Variants in LARP1 observed in about 807,000 individuals in gnomAD.
LARP1 encodes La ribonucleoprotein 1, translational regulator.
In LARP1, 36 loss-of-function variants were observed where a neutral mutation model predicts 122.7. The ratio of observed to expected loss-of-function variants is 0.29; its 90% CI spans 0.22 to 0.39. The LOEUF (loss-of-function observed/expected upper bound fraction) is 0.39, where lower values mean the gene tolerates loss of function less well. Among genes scored for constraint, LARP1 ranks in the 10% least tolerant of loss-of-function variants. LARP1 has a pLI of 1.00. For missense variants in LARP1, 1,040 were observed against 1,403.6 expected (o/e 0.74, Z 4.14); for synonymous variants, 539 against 528.7 (o/e 1.02, Z -0.27).
intron 14 of LARP1, 59 bp downstream of exon 14, chr5:154,804,366 A>G (rs1582469336): frequency 2.4e-6 from 3 of 1,264,556 alleles, no homozygotes; most frequent in East Asian, 4.6e-5. Context: ...TGGGCGAGCC[A>G]TGAAATTGAC....
chr5:154,770,486 C>G (rs1370954788), intron 1 of LARP1, among the ~76,000 whole-genome samples: 1 of 152,028 alleles, frequency 6.6e-6, no homozygotes, highest in African/African-American at 2.4e-5. Context: ...GTCCCTGGCT[C>G]CCTCCCTGCC....
chr5:154,738,292 C>A (rs1472253526), intron 1 of LARP1, among the ~76,000 whole-genome samples: 1 of 152,206 alleles, frequency 6.6e-6, no homozygotes, highest in Non-Finnish European at 1.5e-5. Flanking sequence ...ACATCTTAAT[C>A]TGGACCCTCA....
intron 1 of LARP1, among the ~76,000 whole-genome samples, chr5:154,735,403 G>A (rs933892363): frequency 6.6e-6 from 1 of 151,576 alleles, no homozygotes; most frequent in Non-Finnish European, 1.5e-5. Context: ...AGTGAGCTGA[G>A]ATCGCACCAC....
chr5:154,700,551 A>G (rs897685596), intron 1 of LARP1, among the ~76,000 whole-genome samples: 4 of 152,060 alleles, frequency 2.6e-5, no homozygotes, highest in Admixed American at 6.6e-5. Context: ...AAAATATTGC[A>G]TTAAAGTATT....
chr5:154,793,523 A>C (rs968333095), intron 4 of LARP1, 72 bp from the exon 5 acceptor site: 38 of 1,593,706 alleles, frequency 2.4e-5, no homozygotes, highest in Non-Finnish European at 3.0e-5. Flanking sequence ...GCAGAAGAAG[A>C]GGAGTTGGGT....
chr5:154,696,574 A>G (rs557139590), intron 1 of LARP1, among the ~76,000 whole-genome samples: 2 of 152,320 alleles, frequency 1.3e-5, no homozygotes, highest in African/African-American at 4.8e-5. Flanking sequence ...CAGTGATCCT[A>G]TAAGGTAAAG....
chr5:154,790,506 C>A, intron 2 of LARP1, 120 bp downstream of exon 2: 1 of 1,269,982 alleles, frequency 7.9e-7, no homozygotes, highest in Non-Finnish European at 1.1e-6. Context: ...TGCAGGGGAG[C>A]CCCTTCTAGG....
chr5:154,710,388 G>T (rs1755157607), upstream of LARP1, among the ~76,000 whole-genome samples: 2 of 152,116 alleles, frequency 1.3e-5, no homozygotes, highest in South Asian at 4.2e-4. Flanking sequence ...GAGGTGGGAG[G>T]ATTGATTAAG....
chr5:154,754,871 TC>T (rs1753705396), upstream of LARP1, among the ~76,000 whole-genome samples: 1 of 151,970 alleles, frequency 6.6e-6, no homozygotes, highest in Non-Finnish European at 1.5e-5. Flanking sequence ...ATGAGGGTCC[TC>T]CCTTCGGCCT....
intron 1 of LARP1, among the ~76,000 whole-genome samples, chr5:154,727,442 T>A (rs1197274332): frequency 1.3e-5 from 2 of 152,100 alleles, no homozygotes; most frequent in African/African-American, 2.4e-5. Context: ...ATAAATCATA[T>A]CCCATTAGAA....
At chr5:154,764,938 T>G (rs995067088) in intron 1 of LARP1, among the ~76,000 whole-genome samples, 4 of 151,136 alleles carry the variant, frequency 2.6e-5, no homozygotes, top group African/African-American at 9.7e-5. Context: ...AAAAAAAACC[T>G]ATGTCCAGAT....
chr5:154,749,740 C>A (rs1177028480), intron 1 of LARP1, among the ~76,000 whole-genome samples: 3 of 152,204 alleles, frequency 2.0e-5, no homozygotes, highest in Non-Finnish European at 2.9e-5. Context: ...AGTCTTCATA[C>A]CCAAGGGGCC....
At chr5:154,758,687 G>A (rs2113572201) in intron 1 of LARP1, among the ~76,000 whole-genome samples, 1 of 152,300 alleles carries the variant, frequency 6.6e-6, no homozygotes, top group South Asian at 2.1e-4. Flanking sequence ...GTTTTTGGGA[G>A]TCTACAGAAA....
intron 1 of LARP1, among the ~76,000 whole-genome samples, chr5:154,694,500 C>T (rs1383977589): frequency 2.0e-5 from 3 of 152,058 alleles, no homozygotes; most frequent in African/African-American, 7.2e-5. Context: ...CTTCAAGCCA[C>T]CTTCCCACCT....
chr5:154,697,955 AG>A (rs1015818020), intron 1 of LARP1, among the ~76,000 whole-genome samples: 62 of 152,154 alleles, frequency 4.1e-4, no homozygotes, highest in African/African-American at 1.4e-3. Flanking sequence ...TCTCCCAAGT[AG>A]CTGAGACTGC....
At position 154,744,075 on chromosome 5, in the gene LARP1, C is replaced by T. The variant is rs528482450; in HGVS notation, c.205+30945C>T. ...ATCTCCTGGGTCACATGACCGCAACCGAGATAAAGGGCAGCTCATTCATTT... is the reference window on the plus strand; with the variant it reads ...ATCTCCTGGGTCACATGACCGCAACTGAGATAAAGGGCAGCTCATTCATTT... On this transcript the variant is annotated intron_variant, in intron 1 of 18. Transcript: ENST00000336314. Among the ~76,000 whole-genome samples, 73 of 152,250 alleles carry T rather than the reference C, an allele frequency of 4.8e-4. 2 individuals are homozygous for T. In the South Asian group the frequency reaches 9.5e-3, roughly 20 times the overall value.
intron 1 of LARP1, among the ~76,000 whole-genome samples, chr5:154,781,267 A>G (rs1756403567): frequency 6.6e-6 from 1 of 152,100 alleles, no homozygotes. Context: ...GAGCCCCGCA[A>G]GCTGATTGTG....
chr5:154,714,787 A>G (rs1755399222), intron 1 of LARP1, among the ~76,000 whole-genome samples: 1 of 152,198 alleles, frequency 6.6e-6, no homozygotes, highest in Admixed American at 6.5e-5. Flanking sequence ...AAGCCAAAAC[A>G]GTTTCTAGGA....
chr5:154,684,973 C>T (rs746842473), intron 1 of LARP1, among the ~76,000 whole-genome samples: 8 of 152,064 alleles, frequency 5.3e-5, no homozygotes, highest in East Asian at 1.9e-4. Flanking sequence ...TGGCTGGGCG[C>T]GGTGGCTCAT....
Sources: allele counts gnomAD v4.1 joint callset (sites outside exome capture counted in the v4.1 genomes callset), GRCh38; gene constraint gnomAD v4.1.1; transcripts MANE v1.5; gene names NCBI Gene and HGNC (gene_info 2026-07-23, HGNC 2026-07-21).